PRKN: variants seen among roughly 807,000 people sequenced by gnomAD.
PRKN encodes the protein parkin RBR E3 ubiquitin protein ligase.
PRKN carries 56 observed loss-of-function variants against 59.5 expected under a neutral mutation model. That is an observed-to-expected ratio of 0.94 (90% CI 0.76 to 1.18). The LOEUF (loss-of-function observed/expected upper bound fraction) is 1.18. Among genes scored for constraint, PRKN ranks in the 50% most tolerant of loss-of-function variants. The probability of loss-of-function intolerance (pLI) is 0.00; values close to 1 mark genes in which losing one functional copy is unlikely to be tolerated. For missense variants in PRKN, 657 were observed against 596.4 expected, an observed-to-expected ratio of 1.10 and a Z score of -1.06; for synonymous variants, 250 against 222.1, an observed-to-expected ratio of 1.13 and a Z score of -1.12.
At chr6:161,758,727 A>T (rs1228398905) in intron 7 of PRKN, among the ~76,000 whole-genome samples, 1 of 152,210 alleles carries the variant, frequency 6.6e-6, no homozygotes, top group African/African-American at 2.4e-5. Flanking sequence ...CTTAAAGATG[A>T]TAGATCAGGA....
chr6:162,478,564 C>A (rs1792138207), intron 1 of PRKN, among the ~76,000 whole-genome samples: 1 of 152,182 alleles, frequency 6.6e-6, no homozygotes, highest in South Asian at 2.1e-4. Flanking sequence ...CTGTGACCTC[C>A]TGAGTAACCA....
At chr6:161,655,232 A>G (rs1461606285) in intron 7 of PRKN, among the ~76,000 whole-genome samples, 3 of 145,924 alleles carry the variant, frequency 2.1e-5, no homozygotes, top group African/African-American at 7.8e-5. Context: ...GCCCAGTTAC[A>G]GAGGCATTCC....
chr6:162,446,718 AATCAAGTGCC>A (rs1324962869), intron 1 of PRKN, among the ~76,000 whole-genome samples: 2 of 152,232 alleles, frequency 1.3e-5, no homozygotes, highest in Non-Finnish European at 2.9e-5. Flanking sequence ...CTGAGTTCAT[AATCAAGTGCC>A]ATTATGTGAA....
chr6:161,352,771 A>ATATATATAT lies in PRKN; in HGVS notation c.1286-2561_1286-2560insATATATATA, dbSNP rs34279714. 1.7e-5 allele frequency among the ~76,000 whole-genome samples: 2 copies of ATATATATAT among 116,898 alleles called. No homozygotes were observed. Among genetic ancestry groups the ATATATATAT allele is most frequent in the East Asian group, 2.0e-4 (1 of 4,976 alleles). 76.7% of individuals were successfully genotyped at this position (116,898 alleles called of 152,430 possible). A position where few individuals can be genotyped will look rare whatever the true frequency, so the allele number is the denominator to read the frequency against. On this transcript the variant is annotated intron_variant, in intron 11 of 11. Coordinates refer to ENST00000366898, the MANE Select transcript of PRKN (RefSeq NM_004562.3). The surrounding 1 kb of genome is among the most constrained non-coding windows in gnomAD (Gnocchi z 5.8). ...TGTGTGTGTGTATATATATATATAT[A>ATATATATAT]TTTTATTTTATTTTATTTTATTTTT...
At chr6:161,505,531 G>T (rs369161138) in intron 9 of PRKN, among the ~76,000 whole-genome samples, 2 of 152,230 alleles carry the variant, frequency 1.3e-5, no homozygotes, top group South Asian at 4.1e-4. Flanking sequence ...TTAGTTTAAT[G>T]AGATCCCATT....
At chr6:161,585,497 T>A (rs910177) in intron 7 of PRKN, among the ~76,000 whole-genome samples, 75,783 of 151,998 alleles carry the variant, frequency 0.5, 20,055 homozygotes, top group East Asian at 0.64. Context: ...CCAAGACTAT[T>A]CTAAACGCCA....
chr6:162,576,738 G>A (rs1359916409), intron 1 of PRKN, among the ~76,000 whole-genome samples: 1 of 144,996 alleles, frequency 6.9e-6, no homozygotes, highest in Non-Finnish European at 1.5e-5. Flanking sequence ...CTTGAACCCA[G>A]AGAGGCGGAG....
chr6:161,673,938 T>A (rs572159587), intron 7 of PRKN, among the ~76,000 whole-genome samples: 5 of 152,284 alleles, frequency 3.3e-5, no homozygotes, highest in Non-Finnish European at 5.9e-5. Flanking sequence ...GGAGACACCA[T>A]TAGGAACTAT....
chr6:161,400,993 C>T lies in PRKN; in HGVS notation c.1084-14116G>A, dbSNP rs1787025925. ...AAGGGGAAGACTGTTGATCAGAGTA[C>T]ACTGCAAACAAACATCTGTTTCTGA... is the stretch of plus-strand genomic sequence containing the variant. On this transcript the variant is annotated intron_variant, in intron 9 of 11. Transcript: ENST00000366898. The surrounding 1 kb of genome is among the most constrained non-coding windows in gnomAD (Gnocchi z 4.2). 6.6e-6 allele frequency among the ~76,000 whole-genome samples: 1 copy of T among 152,174 alleles called. No homozygotes were observed. The highest frequency in any genetic ancestry group is 2.4e-5 in the African/African-American group (1 of 41,440).
chr6:162,561,295 C>T (rs9347667), intron 1 of PRKN, among the ~76,000 whole-genome samples: 46,724 of 151,994 alleles, frequency 0.31, 7,641 homozygotes, highest in East Asian at 0.49. Flanking sequence ...AAAGAACATG[C>T]TTATAGCAGT....
intron 2 of PRKN, among the ~76,000 whole-genome samples, chr6:162,422,693 A>C (rs6937749): frequency 0.56 from 84,645 of 151,606 alleles, 24,710 homozygotes; most frequent in African/African-American, 0.72. Flanking sequence ...GCCTGTAATA[A>C]TAGCACTCTG....
At chr6:161,731,836 T>A (rs1406814402) in intron 7 of PRKN, among the ~76,000 whole-genome samples, 1 of 152,222 alleles carries the variant, frequency 6.6e-6, no homozygotes, top group African/African-American at 2.4e-5. Context: ...CACAACTGCA[T>A]TGTGAATATA....
intron 7 of PRKN, among the ~76,000 whole-genome samples, chr6:161,780,991 T>G (rs1790180659): frequency 6.6e-6 from 1 of 152,170 alleles, no homozygotes; most frequent in Non-Finnish European, 1.5e-5. Flanking sequence ...CCGAACTATA[T>G]TTTCTCATGA....
chr6:162,313,440 A>G (rs1782612420), intron 2 of PRKN, among the ~76,000 whole-genome samples: 1 of 152,116 alleles, frequency 6.6e-6, no homozygotes, highest in African/African-American at 2.4e-5. Context: ...TGCGTTTTCA[A>G]GGGCCGAATA....
chr6:161,801,639 T>C (rs1032895026), intron 6 of PRKN, among the ~76,000 whole-genome samples: 4 of 152,204 alleles, frequency 2.6e-5, no homozygotes, highest in African/African-American at 9.6e-5. Flanking sequence ...TGGCTGCTTT[T>C]CAGTTATGAA....
At position 161,549,098 on chromosome 6, in the gene PRKN, C is replaced by A; in HGVS notation, c.934-95G>T. On this transcript the variant is annotated intron_variant, in intron 8 of 11. Coordinates refer to ENST00000366898, the MANE Select transcript of PRKN (RefSeq NM_004562.3). The surrounding 1 kb of genome is among the most constrained non-coding windows in gnomAD (Gnocchi z 6.0). ...CAGTGCATGGGATTTCTTGCTTAAC[C>A]AGTTTCAGTAAAATAATGCATGTGT... 2 of 1,402,374 alleles carry A rather than the reference C, an allele frequency of 1.4e-6. No homozygotes were observed. Among genetic ancestry groups the A allele is most frequent in the Non-Finnish European group, 2.0e-6 (2 of 995,730 alleles). 86.9% of individuals were successfully genotyped at this position (1,402,374 alleles called of 1,614,324 possible).
At chr6:162,366,847 A>G (rs1785466571) in intron 2 of PRKN, among the ~76,000 whole-genome samples, 1 of 152,166 alleles carries the variant, frequency 6.6e-6, no homozygotes, top group Non-Finnish European at 1.5e-5. Context: ...TGCGGTGACT[A>G]GAGATTGCAC....
intron 2 of PRKN, among the ~76,000 whole-genome samples, chr6:162,284,186 G>C (rs76909358): frequency 0.01 from 1,552 of 147,850 alleles, 31 homozygotes; most frequent in African/African-American, 0.035. Flanking sequence ...AGGGTAACTG[G>C]GTATATTTAT....
chr6:162,537,432 T>C lies in PRKN; in HGVS notation c.8-93959A>G, dbSNP rs1021845830. On this transcript the variant is annotated intron_variant, in intron 1 of 11. Coordinates refer to ENST00000366898, the MANE Select transcript of PRKN (RefSeq NM_004562.3). ...ATCACCTATATTTTATGCCTGTTTC[T>C]TCCTCGTGTTCCCTGTCACCTGGCA... Among the ~76,000 whole-genome samples, 10 of 152,306 alleles carry C rather than the reference T, an allele frequency of 6.6e-5. No individual in the cohort carries two copies. The South Asian group carries it at 1.0e-3, about 16-fold the overall frequency.
Sources: gnomAD v4.1 joint callset for allele counts (sites outside exome capture counted in the v4.1 genomes callset) on GRCh38, gnomAD v4.1.1 for gene constraint, Gnocchi (gnomAD v3.1) non-coding constraint, MANE v1.5 for transcripts, NCBI Gene and HGNC (gene_info 2026-07-23, HGNC 2026-07-21) for gene names.